SOX5: variants seen among roughly 807,000 people sequenced by gnomAD.
SOX5 encodes the protein transcription factor SOX-5.
A neutral mutation model predicts 92.0 loss-of-function variants in SOX5; 9 were observed. That is an observed-to-expected ratio of 0.10 (90% CI 0.06 to 0.17). The LOEUF (loss-of-function observed/expected upper bound fraction) is 0.17, where lower values mean the gene tolerates loss of function less well. Ranked by LOEUF, SOX5 falls within the 10% of genes least tolerant of loss-of-function variation. The pLI is 1.00. For missense variants in SOX5, 642 were observed against 944.5 expected, an observed-to-expected ratio of 0.68 and a Z score of 4.20; for synonymous variants, 344 against 336.3, an observed-to-expected ratio of 1.02 and a Z score of -0.25.
intron 4 of SOX5, among the ~76,000 whole-genome samples, chr12:24,046,416 G>T (rs577430805): frequency 6.6e-6 from 1 of 152,126 alleles, no homozygotes; most frequent in Non-Finnish European, 1.5e-5. Context: ...TTTAAATTTA[G>T]CTTTAAAAAG....
intron 4 of SOX5, among the ~76,000 whole-genome samples, chr12:24,197,940 A>C (rs1957161319): frequency 6.6e-6 from 1 of 152,054 alleles, no homozygotes; most frequent in South Asian, 2.1e-4. Context: ...TTAGACACAC[A>C]CTCTCTTTCT....
chr12:24,103,354 C>CTTTTTT, intron 4 of SOX5, among the ~76,000 whole-genome samples: 1 of 148,878 alleles, frequency 6.7e-6, no homozygotes, highest in Non-Finnish European at 1.5e-5. Flanking sequence ...TTCTCAATAT[C>CTTTTTT]TTTTTTTTTT....
intron 4 of SOX5, among the ~76,000 whole-genome samples, chr12:24,068,680 A>ATGTGTGTGTGTGTGTGTGTGTG (rs367765179): frequency 7.9e-5 from 5 of 63,126 alleles, no homozygotes; most frequent in Non-Finnish European, 1.5e-4. Flanking sequence ...TCAAAGTCGT[A>ATGTGTGTGTGTGTGTGTGTGTG]TGTGTGTGTG....
At chr12:24,481,003 C>G (rs1945931085) in intron 1 of SOX5, among the ~76,000 whole-genome samples, 1 of 152,084 alleles carries the variant, frequency 6.6e-6, no homozygotes, top group Non-Finnish European at 1.5e-5. Flanking sequence ...TCAGAAGCAA[C>G]CTAAGTGTCC....
chr12:23,642,470 T>C (rs1383763734), intron 7 of SOX5, among the ~76,000 whole-genome samples: 1 of 152,192 alleles, frequency 6.6e-6, no homozygotes, highest in African/African-American at 2.4e-5. Context: ...AATTAAATTA[T>C]AGTTAGCTAG....
chr12:24,136,241 C>A (rs1446145467), intron 4 of SOX5, among the ~76,000 whole-genome samples: 1 of 152,196 alleles, frequency 6.6e-6, no homozygotes. Context: ...CCCAGAGAGT[C>A]CTCAAGGGAT....
chr12:24,216,844 C>G (rs1167129701), intron 3 of SOX5, among the ~76,000 whole-genome samples: 2 of 152,188 alleles, frequency 1.3e-5, no homozygotes, highest in Non-Finnish European at 2.9e-5. Context: ...CGGGGAATCA[C>G]TTTTAGCTGG....
chr12:23,799,948 C>A (rs117607431), intron 3 of SOX5, among the ~76,000 whole-genome samples: 2 of 151,854 alleles, frequency 1.3e-5, no homozygotes, highest in Non-Finnish European at 1.5e-5. Context: ...AAGTTCAATG[C>A]CAATCTTCCA....
At chr12:23,805,034 T>A (rs1372157705) in intron 3 of SOX5, among the ~76,000 whole-genome samples, 1 of 147,868 alleles carries the variant, frequency 6.8e-6, no homozygotes, top group Non-Finnish European at 1.5e-5. Flanking sequence ...CCTTACTTGT[T>A]TTCTATGAGA....
chr12:23,683,904 A>G (rs1261328417), intron 6 of SOX5, among the ~76,000 whole-genome samples: 1 of 151,962 alleles, frequency 6.6e-6, no homozygotes. Flanking sequence ...ACAAGCCCAT[A>G]GAGTTAAAAA....
intron 4 of SOX5, among the ~76,000 whole-genome samples, chr12:24,107,613 A>C (rs1431771195): frequency 6.6e-6 from 1 of 151,742 alleles, no homozygotes; most frequent in Admixed American, 6.6e-5. Flanking sequence ...AGTGTGTTTT[A>C]TTCTCTCTAA....
At chr12:24,012,077 C>T (rs1479077867) in intron 4 of SOX5, among the ~76,000 whole-genome samples, 1 of 151,984 alleles carries the variant, frequency 6.6e-6, no homozygotes, top group Non-Finnish European at 1.5e-5. Flanking sequence ...TAATTGCATA[C>T]TAATAATTCT....
At chr12:24,251,182 CTTCA>C (rs1287467976) in intron 3 of SOX5, among the ~76,000 whole-genome samples, 1 of 152,128 alleles carries the variant, frequency 6.6e-6, no homozygotes, top group Non-Finnish European at 1.5e-5. Context: ...AAATACAGAT[CTTCA>C]TTATTTTTCT....
intron 1 of SOX5, among the ~76,000 whole-genome samples, chr12:23,909,382 C>G (rs2097326651): frequency 6.6e-6 from 1 of 152,108 alleles, no homozygotes; most frequent in Non-Finnish European, 1.5e-5. Flanking sequence ...TCATTCTCAT[C>G]ATTTGTTAGA....
intron 2 of SOX5, among the ~76,000 whole-genome samples, chr12:23,871,700 G>A (rs552098178): frequency 7.9e-5 from 12 of 151,978 alleles, no homozygotes; most frequent in African/African-American, 2.4e-4. Flanking sequence ...TTATGACTCC[G>A]TTGGTATAAA....
At chr12:23,722,984 A>G (rs2092904262) in intron 6 of SOX5, among the ~76,000 whole-genome samples, 1 of 152,184 alleles carries the variant, frequency 6.6e-6, no homozygotes, top group Non-Finnish European at 1.5e-5. Flanking sequence ...GAAGATATAA[A>G]GAAAACACAT....
rs111882294 is a variant in SOX5 at position 24,326,308 on chromosome 12, C to T, written c.-174+42255G>A. Among the ~76,000 whole-genome samples, 655 of 152,190 alleles carry T rather than the reference C, an allele frequency of 4.3e-3. 2 individuals carry two copies. Among genetic ancestry groups the T allele is most frequent in the African/African-American group, 0.015 (630 of 41,528 alleles). On this transcript the variant is annotated intron_variant, in intron 2 of 4. Coordinates refer to the SOX5 transcript ENST00000446891. ...CAAAGATCAAAAAGATTAAGACAAA[C>T]AATCTAGGATGCAATTTGGAGGAGG... is the stretch of plus-strand genomic sequence containing the variant.
intron 1 of SOX5, among the ~76,000 whole-genome samples, chr12:24,375,659 C>G (rs142281854): frequency 2.0e-5 from 3 of 150,972 alleles, no homozygotes; most frequent in African/African-American, 7.3e-5. Flanking sequence ...TCGCTTGAAC[C>G]CAGGAGGTGG....
At chr12:23,948,719 A>G (rs1208685432) in intron 1 of SOX5, among the ~76,000 whole-genome samples, 1 of 152,146 alleles carries the variant, frequency 6.6e-6, no homozygotes. Flanking sequence ...TCAAATTTAA[A>G]AATTGCAATG....
Sources: gnomAD v4.1 joint callset for allele counts (sites outside exome capture counted in the v4.1 genomes callset) on GRCh38, gnomAD v4.1.1 for gene constraint, MANE v1.5 for transcripts, NCBI Gene and HGNC (gene_info 2026-07-23, HGNC 2026-07-21) for gene names.